ECM2: variants seen among roughly 807,000 people sequenced by gnomAD.
ECM2 encodes the protein extracellular matrix protein 2, female organ and adipocyte specific.
A neutral mutation model predicts 67.5 loss-of-function variants in ECM2; 57 were observed. The ratio of observed to expected loss-of-function variants is 0.84; its 90% confidence interval spans 0.68 to 1.05. The LOEUF is 1.05. ECM2 is among the 50% of genes least tolerant of loss of function. The probability of loss-of-function intolerance (pLI) is 0.00; values close to 1 mark genes in which losing one functional copy is unlikely to be tolerated. For missense variants in ECM2, 741 were observed against 822.8 expected (o/e 0.90, Z 1.22); for synonymous variants, 258 against 294.5 (o/e 0.88, Z 1.27).
At chr9:92,538,799 A>G (rs571795737), upstream of ECM2, among the ~76,000 whole-genome samples, 3 of 152,312 alleles carry the variant, frequency 2.0e-5, no homozygotes, top group Admixed American at 1.3e-4. Flanking sequence ...GTCACCAAAC[A>G]ACATGAGCAG....
intron 8 of ECM2, among the ~76,000 whole-genome samples, chr9:92,502,048 G>A (rs1005441009): frequency 6.6e-6 from 1 of 152,212 alleles, no homozygotes; most frequent in African/African-American, 2.4e-5. Context: ...CTGGAGCCTG[G>A]TGCTTCCACC....
At chr9:92,519,147 C>T (rs1847910114) in intron 2 of ECM2, among the ~76,000 whole-genome samples, 1 of 152,136 alleles carries the variant, frequency 6.6e-6, no homozygotes, top group Admixed American at 6.5e-5. Flanking sequence ...CTAACTCAGC[C>T]CAATTCAGGC....
At chr9:92,493,929 C>T (rs1401450726), downstream of ECM2, 9 of 543,498 alleles carry the variant, frequency 1.7e-5, 1 homozygote, top group South Asian at 1.3e-4. Flanking sequence ...CCACAGGCAC[C>T]GGTCTGGATC....
chr9:92,520,634 G>A (rs1464833065), intron 2 of ECM2, among the ~76,000 whole-genome samples: 1 of 152,228 alleles, frequency 6.6e-6, no homozygotes, highest in Admixed American at 6.5e-5. Flanking sequence ...TTGAAAATAG[G>A]TGTTGAAAGA....
the ECM2 span, among the ~76,000 whole-genome samples, chr9:92,554,516 G>T: frequency 6.6e-6 from 1 of 151,820 alleles, no homozygotes; most frequent in African/African-American, 2.4e-5. Context: ...GGTGTATCAC[G>T]TTTATTGACC....
intron 1 of ECM2, among the ~76,000 whole-genome samples, chr9:92,530,317 T>G (rs1273700798): frequency 6.6e-6 from 1 of 152,158 alleles, no homozygotes; most frequent in Non-Finnish European, 1.5e-5. Context: ...CATAGATTTA[T>G]CCATGGTGTG....
intron 6 of ECM2, among the ~76,000 whole-genome samples, chr9:92,507,028 C>T (rs1388251692): frequency 6.6e-6 from 1 of 152,126 alleles, no homozygotes; most frequent in Non-Finnish European, 1.5e-5. Context: ...CTGCCTCAGC[C>T]TCCCGAGTAT....
intron 1 of ECM2, among the ~76,000 whole-genome samples, chr9:92,530,187 G>A (rs1196101536): frequency 2.0e-5 from 3 of 152,122 alleles, no homozygotes; most frequent in Non-Finnish European, 4.4e-5. Flanking sequence ...GGTACCAAGG[G>A]ACGACAGTAC....
chr9:92,527,134 G>A (rs143941655), intron 1 of ECM2, among the ~76,000 whole-genome samples: 3 of 152,018 alleles, frequency 2.0e-5, no homozygotes, highest in Non-Finnish European at 2.9e-5. Flanking sequence ...TCAGCCTCCC[G>A]AGTAGCTGGG....
chr9:92,525,982 AT>A (rs914662423), intron 1 of ECM2, among the ~76,000 whole-genome samples: 2 of 150,902 alleles, frequency 1.3e-5, no homozygotes, highest in Non-Finnish European at 2.9e-5. Context: ...TGGTTTATGT[AT>A]TTACTATACT....
chr9:92,535,254 A>G (rs776810797), intron 1 of ECM2, among the ~76,000 whole-genome samples: 4 of 152,166 alleles, frequency 2.6e-5, no homozygotes, highest in African/African-American at 4.8e-5. Flanking sequence ...TCTCAATACT[A>G]ATTTTACTAT....
intron 1 of ECM2, among the ~76,000 whole-genome samples, chr9:92,533,009 ATGC>A (rs1848894482): frequency 6.6e-6 from 1 of 151,978 alleles, no homozygotes; most frequent in Admixed American, 6.6e-5. Flanking sequence ...ATTAATAATT[ATGC>A]TTTGGGCTGG....
intron 7 of ECM2, 122 bp from the exon 8 acceptor site, chr9:92,502,774 C>A: frequency 1.5e-5 from 10 of 652,338 alleles, no homozygotes; most frequent in South Asian, 3.1e-5. Flanking sequence ...TCTTACTGCT[C>A]TTTCAAGTAA....
At position 92,514,656 on chromosome 9, in the gene ECM2, T is replaced by C. The variant is rs755206191; in HGVS notation, c.1029A>G (p.Pro343=). 3.1e-6 allele frequency: 5 copies of C among 1,594,968 alleles called. 1 individual carries two copies. The South Asian group carries it at 4.5e-5, about 14-fold the overall frequency. The part of the protein sequence containing the change: ...MLTQIPPLTA[P]QITSLELTGN... The stretch of plus-strand genomic sequence containing the variant: ...CAGTGAGCTCCAGACTTGTTATCTG[T>C]GGTGCTGTCAGCGGTGGTATCTGGG... The change falls in exon 4 of 10, where the codon CCA becomes CCG. Residue 343 remains proline, a synonymous_variant. Transcript: ENST00000344604.
chr9:92,540,288 C>T (rs764375167), upstream of ECM2, among the ~76,000 whole-genome samples: 5 of 151,822 alleles, frequency 3.3e-5, no homozygotes, highest in African/African-American at 7.3e-5. Context: ...AATACAAAAA[C>T]TTAGCCAGGC....
the ECM2 span, among the ~76,000 whole-genome samples, chr9:92,557,471 G>T: frequency 6.6e-6 from 1 of 152,044 alleles, no homozygotes; most frequent in Non-Finnish European, 1.5e-5. Flanking sequence ...TCTTAGGTTT[G>T]GTCGTTTAAC....
chr9:92,511,783 C>T (rs988609799), intron 5 of ECM2, among the ~76,000 whole-genome samples: 22 of 152,178 alleles, frequency 1.4e-4, no homozygotes, highest in Non-Finnish European at 3.2e-4. Flanking sequence ...TTACTTTTGT[C>T]ACTGATGCTA....
intron 1 of ECM2, among the ~76,000 whole-genome samples, chr9:92,530,440 T>A (rs1848675879): frequency 6.6e-6 from 1 of 152,238 alleles, no homozygotes; most frequent in South Asian, 2.1e-4. Flanking sequence ...AGTAGTCATT[T>A]TATGCCAATA....
At chr9:92,534,612 C>T (rs1217994939) in intron 1 of ECM2, among the ~76,000 whole-genome samples, 1 of 152,114 alleles carries the variant, frequency 6.6e-6, no homozygotes, top group Non-Finnish European at 1.5e-5. Flanking sequence ...AATTAACATG[C>T]AGCATGTAAA....
Sources: gnomAD v4.1 joint callset for allele counts (sites outside exome capture counted in the v4.1 genomes callset) on GRCh38, gnomAD v4.1.1 for gene constraint, MANE v1.5 for transcripts, NCBI Gene and HGNC (gene_info 2026-07-23, HGNC 2026-07-21) for gene names.